Variants in CNTN4 observed in about 807,000 individuals in gnomAD.
CNTN4 encodes contactin 4, also known as contactin-4.
A neutral mutation model predicts 122.5 loss-of-function variants in CNTN4; 77 were observed. The observed-to-expected ratio is 0.63, with a 90% CI of 0.52 to 0.76. The LOEUF is 0.76. Among genes scored for constraint, CNTN4 ranks in the 30% least tolerant of loss-of-function variants. The pLI is 0.00. For synonymous variants in CNTN4, 512 were observed against 447.0 expected (o/e 1.15, Z -1.83); for missense variants, 1,256 against 1,259.1 (o/e 1.00, Z 0.04).
chr3:2,548,661 C>CT (rs1184391770), intron 3 of CNTN4, among the ~76,000 whole-genome samples: 3 of 151,992 alleles, frequency 2.0e-5, no homozygotes, highest in Admixed American at 6.6e-5. Flanking sequence ...TATATGGGCT[C>CT]TTTTTTTGGT....
At chr3:2,458,249 T>C (rs1163316705) in intron 3 of CNTN4, among the ~76,000 whole-genome samples, 1 of 152,162 alleles carries the variant, frequency 6.6e-6, no homozygotes, top group African/African-American at 2.4e-5. Context: ...AATAGTAAAG[T>C]TACAATGTAT....
chr3:2,479,546 A>AG (rs1327682362), intron 3 of CNTN4, among the ~76,000 whole-genome samples: 1 of 152,184 alleles, frequency 6.6e-6, no homozygotes, highest in Admixed American at 6.5e-5. Context: ...TAACCTTATA[A>AG]GGGGGATAAT....
At chr3:3,014,665 C>T (rs1445121337) in intron 14 of CNTN4, among the ~76,000 whole-genome samples, 4 of 151,544 alleles carry the variant, frequency 2.6e-5, no homozygotes, top group Non-Finnish European at 5.9e-5. Flanking sequence ...CTCTGTTTCT[C>T]TGCATTTTCA....
At chr3:2,125,502 T>C (rs2125241723) in intron 2 of CNTN4, among the ~76,000 whole-genome samples, 1 of 152,252 alleles carries the variant, frequency 6.6e-6, no homozygotes, top group South Asian at 2.1e-4. Context: ...CTTTGACATC[T>C]TGACTTCAAT....
chr3:2,558,838 C>T lies in CNTN4; in HGVS notation c.-88-12578C>T, dbSNP rs745424128. Among the ~76,000 whole-genome samples the T allele has an allele frequency of 4.2e-4, 64 of 152,176 alleles. 1 individual carries two copies. Among genetic ancestry groups the T allele is most frequent in the Non-Finnish European group, 8.1e-4 (55 of 68,034 alleles). Reference sequence around the variant, plus strand: ...CCTTTGGAGATTCTTGGATAAAACTCACTGTATAACTGCAAATGATCACTC... The same window carrying T: ...CCTTTGGAGATTCTTGGATAAAACTTACTGTATAACTGCAAATGATCACTC... On this transcript the variant is annotated intron_variant, in intron 3 of 24. Transcript: ENST00000418658.
chr3:2,338,531 G>C (rs1052773055), intron 2 of CNTN4, among the ~76,000 whole-genome samples: 1 of 151,870 alleles, frequency 6.6e-6, no homozygotes, highest in Non-Finnish European at 1.5e-5. Flanking sequence ...AACTTGGTTA[G>C]AGGATACACA....
intron 4 of CNTN4, among the ~76,000 whole-genome samples, chr3:2,713,221 CA>C (rs1458935809): frequency 2.0e-5 from 3 of 152,126 alleles, no homozygotes; most frequent in Admixed American, 6.5e-5. Flanking sequence ...GAAGGACCCC[CA>C]AGTGGTATCT....
At position 3,057,832 on chromosome 3, in the gene CNTN4, A is replaced by G. The variant is rs1339013375; in HGVS notation, c.*1612A>G. The G allele has an allele frequency of 6.6e-6, 1 of 152,658 alleles. No individual in the cohort carries two copies. The highest frequency in any genetic ancestry group is 2.4e-5 in the African/African-American group (1 of 41,458). The allele number at this position is 152,658 out of a possible 1,614,324, so 9.5% of individuals were successfully genotyped here. A position where few individuals can be genotyped will look rare whatever the true frequency, so the allele number is the denominator to read the frequency against. The stretch of plus-strand genomic sequence containing the variant: ...CATGCAAAAAAAAAATCAGCAAAAT[A>G]ATAAAATGAACGAAAAAAAATGACA... On this transcript the variant is annotated 3_prime_UTR_variant, in exon 25 of 25. Transcript: ENST00000418658.
At chr3:3,016,589 CG>C (rs1016755178) in intron 14 of CNTN4, among the ~76,000 whole-genome samples, 22 of 152,266 alleles carry the variant, frequency 1.4e-4, no homozygotes, top group African/African-American at 5.3e-4. Flanking sequence ...CCTTATTAAT[CG>C]TTGTGACCAA....
intron 3 of CNTN4, among the ~76,000 whole-genome samples, chr3:2,431,279 C>T (rs948984519): frequency 2.0e-5 from 3 of 151,940 alleles, no homozygotes; most frequent in African/African-American, 7.3e-5. Context: ...TGTGTGTGTC[C>T]GTGAGAAAAG....
chr3:2,605,403 A>C (rs1559295461), intron 4 of CNTN4, among the ~76,000 whole-genome samples: 1 of 152,142 alleles, frequency 6.6e-6, no homozygotes, highest in Non-Finnish European at 1.5e-5. Context: ...TCATGCAGGG[A>C]GAGCCCTGTA....
chr3:2,784,786 A>G (rs2091743766), intron 6 of CNTN4, among the ~76,000 whole-genome samples: 2 of 152,188 alleles, frequency 1.3e-5, no homozygotes, highest in South Asian at 4.1e-4. Context: ...CTCTGATAAA[A>G]GAGATAATAT....
intron 2 of CNTN4, among the ~76,000 whole-genome samples, chr3:2,259,703 C>T (rs759286388): frequency 2.6e-5 from 4 of 152,104 alleles, no homozygotes; most frequent in East Asian, 1.9e-4. Context: ...GCAAACCACC[C>T]GTATGATTCA....
At position 2,501,986 on chromosome 3, in the gene CNTN4, T is replaced by C. The variant is rs1001252480; in HGVS notation, c.-88-69430T>C. On this transcript the variant is annotated intron_variant, in intron 3 of 24. Transcript: ENST00000418658. The stretch of plus-strand genomic sequence containing the variant: ...ATTGCATGGAATTACCTTCAGACTT[T>C]GTGTATAAAGTACATATAAAACAAA... Among the ~76,000 whole-genome samples the C allele has an allele frequency of 2.6e-5, 4 of 152,184 alleles. 1 individual carries two copies. The highest frequency in any genetic ancestry group is 4.4e-5 in the Non-Finnish European group (3 of 68,036).
intron 2 of CNTN4, among the ~76,000 whole-genome samples, chr3:2,156,363 A>C (rs57594411): frequency 0.47 from 72,020 of 151,924 alleles, 17,238 homozygotes; most frequent in South Asian, 0.57. Flanking sequence ...GGGTCTGTGC[A>C]TAAACCTGTA....
chr3:2,523,356 TAA>T (rs67485307), intron 3 of CNTN4, among the ~76,000 whole-genome samples: 3 of 120,002 alleles, frequency 2.5e-5, no homozygotes, highest in African/African-American at 9.2e-5. Context: ...CAAGAGACCT[TAA>T]AAAAAAAAAA....
chr3:2,593,591 T>C (rs2149681689), intron 4 of CNTN4, among the ~76,000 whole-genome samples: 1 of 152,314 alleles, frequency 6.6e-6, no homozygotes, highest in East Asian at 1.9e-4. Flanking sequence ...GTATTTTTGA[T>C]AGAAAGGAAT....
At chr3:2,833,412 AT>A (rs2093145482) in intron 7 of CNTN4, among the ~76,000 whole-genome samples, 1 of 152,204 alleles carries the variant, frequency 6.6e-6, no homozygotes, top group African/African-American at 2.4e-5. Flanking sequence ...AGAAAGCTTC[AT>A]AAATATAAAA....
Position 2,502,248 on chromosome 3 carries a change from C to T in CNTN4, c.-88-69168C>T, listed in dbSNP as rs2076614450. Among the ~76,000 whole-genome samples the T allele has an allele frequency of 2.0e-5, 3 of 152,104 alleles. 1 individual carries two copies. Among genetic ancestry groups the T allele is most frequent in the South Asian group, 4.1e-4 (2 of 4,826 alleles). On this transcript the variant is annotated intron_variant, in intron 3 of 24. Coordinates refer to ENST00000418658, the MANE Select transcript of CNTN4 (RefSeq NM_175607.3). ...CTTTCTCCAAATTTTAGAGATACTCCACTTCTTTAACACTTCATGTGCTAA... is the reference window on the plus strand; with the variant it reads ...CTTTCTCCAAATTTTAGAGATACTCTACTTCTTTAACACTTCATGTGCTAA...
Sources: allele counts gnomAD v4.1 joint callset (sites outside exome capture counted in the v4.1 genomes callset), GRCh38; gene constraint gnomAD v4.1.1; transcripts MANE v1.5; gene names NCBI Gene and HGNC (gene_info 2026-07-23, HGNC 2026-07-21).